Variants in RAPGEF4 observed in about 807,000 individuals in gnomAD.
RAPGEF4 encodes RAP guanine-nucleotide-exchange factor (GEF) 4.
RAPGEF4 carries 66 observed loss-of-function variants against 147.9 expected under a neutral mutation model. The observed-to-expected ratio is 0.45, with a 90% CI of 0.37 to 0.55. RAPGEF4 has a LOEUF of 0.55. RAPGEF4 is among the 20% of genes least tolerant of loss of function. RAPGEF4 has a pLI of 0.00. For synonymous variants in RAPGEF4, 419 were observed against 442.7 expected, an observed-to-expected ratio of 0.95 and a Z score of 0.67; for missense variants, 1,071 against 1,257.3, an observed-to-expected ratio of 0.85 and a Z score of 2.24.
intron 1 of RAPGEF4, among the ~76,000 whole-genome samples, chr2:172,784,715 A>G (rs1469505591): frequency 6.6e-6 from 1 of 152,226 alleles, no homozygotes; most frequent in East Asian, 1.9e-4. Context: ...AAACATCTTG[A>G]GTTTCAAAGA....
chr2:173,015,556 A>G (rs1161456957), intron 18 of RAPGEF4, among the ~76,000 whole-genome samples: 1 of 152,240 alleles, frequency 6.6e-6, no homozygotes, highest in East Asian at 1.9e-4. Flanking sequence ...CTGAGGAATG[A>G]AGTATTTTGA....
intron 4 of RAPGEF4, among the ~76,000 whole-genome samples, chr2:172,893,298 C>T (rs1000160387): frequency 2.6e-5 from 4 of 152,158 alleles, no homozygotes; most frequent in African/African-American, 7.2e-5. Context: ...CAGACAGCCC[C>T]GTCCTGGGAG....
At position 172,941,236 on chromosome 2, in the gene RAPGEF4, A is replaced by C. The variant is rs543307345; in HGVS notation, c.537+18936A>C. 1.6e-4 allele frequency among the ~76,000 whole-genome samples: 24 copies of C among 152,218 alleles called. 1 individual carries two copies. In the South Asian group the frequency reaches 5.0e-3, roughly 32 times the overall value. ...TGCACAAGGTAGGACTTCCGGTATGATAGTCAATAGGAATGGTGAGAAAGA... is the reference window on the plus strand; with the variant it reads ...TGCACAAGGTAGGACTTCCGGTATGCTAGTCAATAGGAATGGTGAGAAAGA... On this transcript the variant is annotated intron_variant, in intron 6 of 30. Coordinates refer to ENST00000397081, the MANE Select transcript of RAPGEF4 (RefSeq NM_007023.4).
chr2:172,987,797 A>G (rs952107415), intron 12 of RAPGEF4, among the ~76,000 whole-genome samples: 1 of 152,226 alleles, frequency 6.6e-6, no homozygotes, highest in African/African-American at 2.4e-5. Flanking sequence ...AAGTGTGTGT[A>G]GGTATGTATC....
chr2:172,956,307 G>A (rs566348419), intron 6 of RAPGEF4, among the ~76,000 whole-genome samples: 4 of 152,104 alleles, frequency 2.6e-5, no homozygotes, highest in South Asian at 4.2e-4. Context: ...TCCTCCCCTG[G>A]TGCAACACTT....
rs192355114 is a variant in RAPGEF4, at chr2:173,035,699, C to T, written c.2701-426C>T. On this transcript the variant is annotated intron_variant, in intron 27 of 30. Transcript: ENST00000397081. ...CCCAAATTTAACCACTAATAGCCTACTGTTGACTAGAGGCCTTACTGATAA... is the reference window on the plus strand; with the variant it reads ...CCCAAATTTAACCACTAATAGCCTATTGTTGACTAGAGGCCTTACTGATAA... 1.0e-3 allele frequency among the ~76,000 whole-genome samples: 159 copies of T among 152,266 alleles called. 1 individual carries two copies. The highest frequency in any genetic ancestry group is 3.4e-3 in the Middle Eastern group (1 of 294).
In RAPGEF4 at chr2:172,784,929, G is replaced by A. The variant is rs188126626; in HGVS notation, c.66-10096G>A. On this transcript the variant is annotated intron_variant, in intron 1 of 30. Transcript: ENST00000397081. ...CAACCTCCACCTCCCGGGTTCAAGT[G>A]TTTCTCCTGCCTCAGCCTCCCGAGT... Among the ~76,000 whole-genome samples the A allele has an allele frequency of 7.4e-4, 113 of 152,084 alleles. 4 individuals carry two copies. In the East Asian group the frequency reaches 0.013, roughly 17 times the overall value.
chr2:173,049,830 G>T (rs3769211), intron 30 of RAPGEF4, among the ~76,000 whole-genome samples: 51,557 of 152,000 alleles, frequency 0.34, 9,187 homozygotes, highest in East Asian at 0.66. Flanking sequence ...ATTAATTTAC[G>T]TTGTGTTTAA....
At chr2:172,777,974 G>A (rs1290384372) in intron 1 of RAPGEF4, among the ~76,000 whole-genome samples, 2 of 151,970 alleles carry the variant, frequency 1.3e-5, no homozygotes, top group Non-Finnish European at 2.9e-5. Context: ...CCCTTTTATA[G>A]TGATATAATA....
intron 18 of RAPGEF4, among the ~76,000 whole-genome samples, chr2:173,016,039 G>A (rs982431849): frequency 2.0e-5 from 3 of 152,068 alleles, no homozygotes; most frequent in African/African-American, 7.2e-5. Flanking sequence ...TTTTATTGTT[G>A]TAAAATAGAT....
chr2:172,817,896 A>ATC (rs1244975209), intron 4 of RAPGEF4, among the ~76,000 whole-genome samples: 1 of 123,810 alleles, frequency 8.1e-6, no homozygotes, highest in African/African-American at 2.9e-5. Context: ...ATATATATAT[A>ATC]TCACAATTAT....
chr2:172,798,272 A>T (rs949227610), intron 3 of RAPGEF4, among the ~76,000 whole-genome samples: 1 of 152,130 alleles, frequency 6.6e-6, no homozygotes, highest in African/African-American at 2.4e-5. Context: ...AAACAAAATT[A>T]AAAAAGAAAG....
chr2:172,917,253 A>C (rs1045107812), intron 4 of RAPGEF4, among the ~76,000 whole-genome samples: 1 of 152,252 alleles, frequency 6.6e-6, no homozygotes, highest in African/African-American at 2.4e-5. Flanking sequence ...TATTTGACAC[A>C]TAGCAAAAGT....
chr2:172,975,975 T>C (rs971583971), intron 10 of RAPGEF4, among the ~76,000 whole-genome samples: 1 of 134,020 alleles, frequency 7.5e-6, no homozygotes, highest in Non-Finnish European at 1.6e-5. Context: ...CACATTGTCC[T>C]AAAAACACTT....
At chr2:172,798,041 G>A (rs1358647437) in intron 3 of RAPGEF4, among the ~76,000 whole-genome samples, 2 of 152,100 alleles carry the variant, frequency 1.3e-5, no homozygotes, top group Non-Finnish European at 2.9e-5. Flanking sequence ...CGGCCTTGTA[G>A]GAGATCTTGT....
At chr2:172,895,831 G>T (rs1698417746) in intron 4 of RAPGEF4, among the ~76,000 whole-genome samples, 1 of 152,166 alleles carries the variant, frequency 6.6e-6, no homozygotes, top group South Asian at 2.1e-4. Flanking sequence ...AAACCATGCA[G>T]AATGATTGGT....
intron 23 of RAPGEF4, among the ~76,000 whole-genome samples, chr2:173,024,129 A>G (rs1053555519): frequency 1.3e-5 from 2 of 152,100 alleles, no homozygotes; most frequent in Non-Finnish European, 2.9e-5. Flanking sequence ...GTAAATTGGG[A>G]GCAACAGTAT....
At chr2:172,826,223 G>A (rs1364425842) in intron 4 of RAPGEF4, among the ~76,000 whole-genome samples, 1 of 152,198 alleles carries the variant, frequency 6.6e-6, no homozygotes, top group Non-Finnish European at 1.5e-5. Flanking sequence ...CAGTAGAATT[G>A]TGATCTTTTC....
intron 22 of RAPGEF4, among the ~76,000 whole-genome samples, chr2:173,020,110 T>A (rs183669253): frequency 2.6e-5 from 4 of 152,358 alleles, no homozygotes; most frequent in African/African-American, 9.6e-5. Flanking sequence ...CATGTTCTCA[T>A]CTGAAGAACT....
Sources: gnomAD v4.1 joint callset for allele counts (sites outside exome capture counted in the v4.1 genomes callset) on GRCh38, gnomAD v4.1.1 for gene constraint, MANE v1.5 for transcripts, NCBI Gene and HGNC (gene_info 2026-07-23, HGNC 2026-07-21) for gene names.